The following POLA1 variants were observed in gnomAD, a reference collection of about 807,000 sequenced individuals.
POLA1 encodes DNA polymerase alpha catalytic subunit.
In POLA1, 15 loss-of-function variants were observed where a neutral mutation model predicts 124.0. The ratio of observed to expected loss-of-function variants is 0.12; its 90% CI spans 0.08 to 0.19. POLA1 has a LOEUF of 0.19. POLA1 is among the 10% of genes least tolerant of loss of function. POLA1 has a pLI of 1.00. For missense variants in POLA1, 886 were observed against 1,103.4 expected (o/e 0.80, Z 2.79); for synonymous variants, 408 against 389.4 (o/e 1.05, Z -0.56).
rs1569347262 is a variant in POLA1, at chrX:24,877,905, GTT to G, written c.4048-10093_4048-10092del. On this transcript the variant is annotated intron_variant, in intron 34 of 36. Transcript: ENST00000379068. ...AGGGAGTGAATTTTGGAGGGAGGGA[GTT>G]TTTTTTTGTTTTTTTTTTTGTTTTT... Among the ~76,000 whole-genome samples, 3 of 24,028 alleles carry G rather than the reference GTT, an allele frequency of 1.2e-4. No individual in the cohort carries two copies. The Admixed American group carries it at 1.5e-3, about 12-fold the overall frequency. The allele number at this position is 24,028 out of a possible 115,157, so 20.9% of individuals were successfully genotyped here.
chrX:24,965,069 T>G (rs1444006542), intron 36 of POLA1, among the ~76,000 whole-genome samples: 1 of 111,951 alleles, frequency 8.9e-6, no homozygotes, highest in African/African-American at 3.2e-5. Context: ...CAGATCACTA[T>G]AGGGAAGGAA....
intron 33 of POLA1, among the ~76,000 whole-genome samples, chrX:24,843,047 G>T (rs903837723): frequency 3.6e-5 from 4 of 111,776 alleles, no homozygotes; most frequent in Non-Finnish European, 7.5e-5. Context: ...TTGCTAAGCA[G>T]ACAGTAAGTG....
intron 26 of POLA1, among the ~76,000 whole-genome samples, chrX:24,769,478 GA>G (rs2044980710): frequency 9.0e-6 from 1 of 111,614 alleles, no homozygotes; most frequent in South Asian, 3.8e-4. Context: ...AGGTCCCAAG[GA>G]ATCAGATTCC....
intron 10 of POLA1, among the ~76,000 whole-genome samples, chrX:24,722,612 T>C (rs754802999): frequency 8.8e-6 from 1 of 113,022 alleles, no homozygotes; most frequent in East Asian, 2.8e-4. Context: ...TATTGGTTTT[T>C]ATAGGTAAAT....
chrX:24,949,783 G>A (rs2048011616), intron 36 of POLA1, among the ~76,000 whole-genome samples: 1 of 103,415 alleles, frequency 9.7e-6, no homozygotes, highest in Admixed American at 1.1e-4. Flanking sequence ...TGCCTAAGCT[G>A]GAGTGCAATG....
At chrX:24,984,519 G>A (rs922645570) in intron 36 of POLA1, among the ~76,000 whole-genome samples, 2 of 110,615 alleles carry the variant, frequency 1.8e-5, no homozygotes, top group African/African-American at 6.6e-5. Context: ...TACCATCAAC[G>A]TTTTACACCG....
chrX:24,959,087 C>A (rs113061202), intron 36 of POLA1, among the ~76,000 whole-genome samples: 4,441 of 111,308 alleles, frequency 0.04, 216 homozygotes, highest in African/African-American at 0.14. Flanking sequence ...TTCCCAGTCA[C>A]AGGCACTCCA....
At chrX:24,730,247 T>C (rs1254875202) in intron 15 of POLA1, among the ~76,000 whole-genome samples, 1 of 111,277 alleles carries the variant, frequency 9.0e-6, no homozygotes, top group Non-Finnish European at 1.9e-5. Flanking sequence ...TTCTTTTTTT[T>C]TCTTTTTTTG....
At chrX:24,884,542 G>A (rs1224188464) in intron 34 of POLA1, among the ~76,000 whole-genome samples, 5 of 112,227 alleles carry the variant, frequency 4.5e-5, no homozygotes, top group Non-Finnish European at 9.4e-5. Flanking sequence ...TAAATAAAAT[G>A]TACTTTACAA....
chrX:24,714,605 C>T lies in POLA1; in HGVS notation c.398C>T (p.Ala133Val), dbSNP rs745429792. ...GACAAGAGGAATGTAAAGAAGCTCG[C>T]AGTGACAAAACCGAACAACATTAAG... ...NKDKRNVKKL[A>V]VTKPNNIKSM... Residue 133 changes from alanine (A) to valine (V), a missense_variant, in exon 5 of 37, where the codon GCA becomes GTA. Ala to Val is a moderately conservative substitution (Grantham distance 64, BLOSUM62 0). Transcript: ENST00000379068. 10 of 1,200,561 alleles carry T rather than the reference C, an allele frequency of 8.3e-6. No homozygotes were observed. Among genetic ancestry groups the T allele is most frequent in the South Asian group, 7.2e-5 (4 of 55,303 alleles).
chrX:24,801,920 GGTGGGT>G (rs1339791348), intron 26 of POLA1, among the ~76,000 whole-genome samples: 7 of 47,520 alleles, frequency 1.5e-4, no homozygotes, highest in East Asian at 9.7e-4. Flanking sequence ...AGGAGAGGTG[GGTGGGT>G]GTGTGTGTGT....
intron 35 of POLA1, among the ~76,000 whole-genome samples, chrX:24,922,249 T>A (rs1020003261): frequency 7.4e-5 from 8 of 108,475 alleles, no homozygotes; most frequent in African/African-American, 2.7e-4. Context: ...TAGTTTATTT[T>A]TTTTTTTTTG....
At chrX:24,719,584 A>C (rs1266631432) in intron 10 of POLA1, among the ~76,000 whole-genome samples, 1 of 111,576 alleles carries the variant, frequency 9.0e-6, no homozygotes, top group Non-Finnish European at 1.9e-5. Context: ...GTACAACCTC[A>C]GGGAATACCA....
In POLA1 at chrX:24,821,472, G is replaced by T. The variant is rs774664184; in HGVS notation, c.3450G>T (p.Gln1150His). Residue 1150 changes from glutamine (Q) to histidine (H), a missense_variant, in exon 31 of 37, where the codon CAG (glutamine) becomes CAT (histidine). By Grantham distance (24) the Gln-to-His change is conservative. Around this residue, in one of 7 missense-constraint regions of POLA1, gnomAD observed 313 missense variants for 359.7 expected, o/e 0.87. Coordinates refer to ENST00000379068, the MANE Select transcript of POLA1 (RefSeq NM_001330360.2). The part of the protein sequence containing the change: ...EINKALTKDP[Q>H]DYPDKKSLPH... The stretch of plus-strand genomic sequence containing the variant: ...TTTAGGCATTGACAAAGGATCCCCA[G>T]GATTACCCTGATAAAAAAAGCCTAC... The T allele has an allele frequency of 8.3e-7, 1 of 1,205,349 alleles. No individual in the cohort carries two copies. The highest frequency in any genetic ancestry group is 1.8e-5 in the South Asian group (1 of 55,882).
intron 34 of POLA1, among the ~76,000 whole-genome samples, chrX:24,849,390 G>C (rs2046519806): frequency 8.9e-6 from 1 of 112,636 alleles, no homozygotes; most frequent in Non-Finnish European, 1.9e-5. Flanking sequence ...CATAGTATTT[G>C]ATTGGGAAGC....
At chrX:24,828,245 A>G (rs986375075) in intron 32 of POLA1, among the ~76,000 whole-genome samples, 5 of 112,560 alleles carry the variant, frequency 4.4e-5, no homozygotes, top group African/African-American at 1.6e-4. Context: ...ATACAGTGAT[A>G]AGTACTTTGC....
intron 31 of POLA1, among the ~76,000 whole-genome samples, chrX:24,825,769 C>G (rs916715674): frequency 4.5e-5 from 5 of 112,057 alleles, no homozygotes; most frequent in Admixed American, 1.9e-4. Context: ...TACCAAATGA[C>G]ATGCCCTTCA....
intron 34 of POLA1, among the ~76,000 whole-genome samples, chrX:24,864,051 G>A (rs902312074): frequency 2.7e-5 from 3 of 109,193 alleles, no homozygotes; most frequent in Non-Finnish European, 3.8e-5. Flanking sequence ...GCACAATCTC[G>A]GCTCACTGCA....
At position 24,745,474 on chromosome X, in the gene POLA1, A is replaced by G. The variant is rs759076386; in HGVS notation, c.2623A>G (p.Ile875Val). 7 of 1,135,732 alleles carry G rather than the reference A, an allele frequency of 6.2e-6. No homozygotes were observed. The highest frequency in any genetic ancestry group is 3.0e-5 in the East Asian group (1 of 33,399). The allele number at this position is 1,135,732 out of a possible 1,213,427, so 93.6% of individuals were successfully genotyped here. The change falls in exon 24 of 37, where the codon ATT becomes GTT. Residue 875 changes from isoleucine (I) to valine (V), a missense_variant. By Grantham distance (29) the Ile-to-Val change is conservative (BLOSUM62 3). Around this residue, in one of 7 missense-constraint regions of POLA1, gnomAD observed 182 missense variants for 252.8 expected, o/e 0.72. Transcript: ENST00000379068. ...LDFNSLYPSI[I>V]QEFNICFTTV... ...CTTCAACAGTCTATATCCTTCCATCATTCAGGAATTTAACATTTGTTTTAC... is the reference window on the plus strand; with the variant it reads ...CTTCAACAGTCTATATCCTTCCATCGTTCAGGAATTTAACATTTGTTTTAC...
Sources: gnomAD v4.1 joint callset for allele counts (sites outside exome capture counted in the v4.1 genomes callset) on GRCh38, gnomAD v4.1.1 for gene constraint, gnomAD v4.1.1 regional missense constraint, MANE v1.5 for transcripts, NCBI Gene and HGNC (gene_info 2026-07-23, HGNC 2026-07-21) for gene names.